Variants in TRHDE observed in about 807,000 individuals in gnomAD.
The protein encoded by TRHDE is thyrotropin-releasing hormone-degrading ectoenzyme.
Under a neutral mutation model 125.7 loss-of-function variants are expected in TRHDE, and 72 were observed. The observed-to-expected ratio is 0.57, with a 90% CI of 0.47 to 0.70. The LOEUF is 0.70. Ranked by LOEUF, TRHDE falls within the 30% of genes least tolerant of loss-of-function variation. The probability of loss-of-function intolerance (pLI) is 0.00; values close to 1 mark genes in which losing one functional copy is unlikely to be tolerated. For synonymous variants in TRHDE, 509 were observed against 509.1 expected (o/e 1.00, Z 0.00); for missense variants, 1,110 against 1,327.1 (o/e 0.84, Z 2.54).
At chr12:72,125,214 A>G (rs992402289) in intron 2 of TRHDE, among the ~76,000 whole-genome samples, 3 of 152,038 alleles carry the variant, frequency 2.0e-5, no homozygotes, top group African/African-American at 4.8e-5. Flanking sequence ...CTATTTTTCT[A>G]TTCTCTGGAA....
chr12:72,458,481 G>T (rs138845778), intron 3 of TRHDE, among the ~76,000 whole-genome samples: 1 of 152,000 alleles, frequency 6.6e-6, no homozygotes, highest in Non-Finnish European at 1.5e-5. Flanking sequence ...CTCCTCAGAC[G>T]TCTGTCTTAG....
In TRHDE at chr12:72,486,145, G is replaced by A. The variant is rs186083672; in HGVS notation, c.1584+12965G>A. On this transcript the variant is annotated intron_variant, in intron 5 of 18. Transcript: ENST00000261180. ...GTCAATACTGTGCCTGGACCCTTAG[G>A]ATCAAAACTACAGCCACACCCCAGT... Among the ~76,000 whole-genome samples, 154 of 152,216 alleles carry A rather than the reference G, an allele frequency of 1.0e-3. 1 individual carries two copies. Among genetic ancestry groups the A allele is most frequent in the Middle Eastern group, 3.4e-3 (1 of 294 alleles).
At chr12:72,509,299 A>C (rs1428766815) in intron 6 of TRHDE, among the ~76,000 whole-genome samples, 1 of 151,802 alleles carries the variant, frequency 6.6e-6, no homozygotes, top group African/African-American at 2.4e-5. Flanking sequence ...AAATGATAAT[A>C]AAAGACACAG....
At chr12:72,121,194 G>A (rs1403988731) in intron 2 of TRHDE, among the ~76,000 whole-genome samples, 3 of 151,792 alleles carry the variant, frequency 2.0e-5, no homozygotes, top group East Asian at 1.9e-4. Context: ...CTTTTTTCTC[G>A]TTAATGTCCT....
chr12:72,402,811 T>C (rs1751031941), intron 3 of TRHDE, among the ~76,000 whole-genome samples: 1 of 152,184 alleles, frequency 6.6e-6, no homozygotes, highest in Admixed American at 6.5e-5. Flanking sequence ...GTCCTTTATT[T>C]CCTAAGGTAA....
chr12:72,114,295 C>CA, intron 2 of TRHDE, among the ~76,000 whole-genome samples: 1 of 152,202 alleles, frequency 6.6e-6, no homozygotes, highest in Admixed American at 6.5e-5. Flanking sequence ...ATGTGTCCAC[C>CA]CCTGTGCAGC....
chr12:72,630,886 CAA>C (rs747171265), intron 15 of TRHDE, among the ~76,000 whole-genome samples: 12 of 116,764 alleles, frequency 1.0e-4, no homozygotes, highest in Non-Finnish European at 1.6e-4. Flanking sequence ...AAATTCATAG[CAA>C]AAAAAAAAAA....
At chr12:72,412,264 C>G (rs1873545228) in intron 3 of TRHDE, among the ~76,000 whole-genome samples, 2 of 151,854 alleles carry the variant, frequency 1.3e-5, no homozygotes, top group Non-Finnish European at 2.9e-5. Flanking sequence ...TAAAGACATA[C>G]AAATCAGTAA....
chr12:72,613,081 G>A (rs988410678), intron 12 of TRHDE, among the ~76,000 whole-genome samples: 3 of 152,036 alleles, frequency 2.0e-5, no homozygotes, highest in Admixed American at 6.6e-5. Context: ...AAATCATGTC[G>A]TTTACCCTTG....
chr12:72,370,942 C>A (rs1484666551), intron 2 of TRHDE, among the ~76,000 whole-genome samples: 1 of 151,996 alleles, frequency 6.6e-6, no homozygotes, highest in African/African-American at 2.4e-5. Flanking sequence ...GGGGTTTCGC[C>A]ATGTTGGCCA....
At chr12:72,147,943 A>G (rs963053171) in intron 2 of TRHDE, 7 of 152,272 alleles carry the variant, frequency 4.6e-5, no homozygotes, top group African/African-American at 1.7e-4. Context: ...AATGATTACT[A>G]CAAACTAGTT....
At position 72,314,261 on chromosome 12, in the gene TRHDE, T is replaced by C. The variant is rs536411622; in HGVS notation, c.1188+27307T>C. ...TCATTTCTTTTGTCCTTTTCTTTTT[T>C]TTTCCTCTCTCTTTCTCTTTTCTTT... On this transcript the variant is annotated intron_variant, in intron 2 of 18. Transcript: ENST00000261180. Among the ~76,000 whole-genome samples, 13 of 134,098 alleles carry C rather than the reference T, an allele frequency of 9.7e-5. No individual in the cohort carries two copies. The East Asian group carries it at 2.7e-3, about 28-fold the overall frequency. The allele number at this position is 134,098 out of a possible 152,430, so 88.0% of individuals were successfully genotyped here.
At chr12:72,413,819 C>A (rs542057543) in intron 3 of TRHDE, among the ~76,000 whole-genome samples, 32 of 152,146 alleles carry the variant, frequency 2.1e-4, no homozygotes, top group African/African-American at 7.0e-4. Context: ...TGCTGTAGTA[C>A]AAATTTGAGT....
intron 7 of TRHDE, among the ~76,000 whole-genome samples, chr12:72,551,821 T>C (rs1869689991): frequency 6.6e-6 from 1 of 152,058 alleles, no homozygotes. Context: ...TAGGATGCTG[T>C]GAGAAAGCAT....
rs1216450900 is a variant in TRHDE at position 72,555,318 on chromosome 12, T to A, written c.1789-6847T>A. ...AACTGACTTTCAACTATCCTTCTTCTATCTCTCCAATAGCTTTCTTTCCTA... is the reference window on the plus strand; with the variant it reads ...AACTGACTTTCAACTATCCTTCTTCAATCTCTCCAATAGCTTTCTTTCCTA... On this transcript the variant is annotated intron_variant, in intron 7 of 18. Transcript: ENST00000261180. Among the ~76,000 whole-genome samples the A allele has an allele frequency of 2.6e-5, 4 of 152,182 alleles. No homozygotes were observed. In the East Asian group the frequency reaches 7.7e-4, roughly 29 times the overall value.
intron 3 of TRHDE, among the ~76,000 whole-genome samples, chr12:72,391,912 C>G (rs115640600): frequency 0.011 from 1,737 of 152,228 alleles, 29 homozygotes; most frequent in African/African-American, 0.04. Flanking sequence ...CCTAATGTAA[C>G]TGTATTGAAA....
At chr12:72,190,123 A>G (rs1177637387) in intron 2 of TRHDE, among the ~76,000 whole-genome samples, 1 of 152,220 alleles carries the variant, frequency 6.6e-6, no homozygotes, top group African/African-American at 2.4e-5. Flanking sequence ...AGGCATTAAT[A>G]TCAAGTCTGT....
At chr12:72,170,717 A>G (rs534681275) in intron 2 of TRHDE, among the ~76,000 whole-genome samples, 30 of 152,102 alleles carry the variant, frequency 2.0e-4, no homozygotes, top group Non-Finnish European at 3.1e-4. Flanking sequence ...TGGTTTGGAG[A>G]CCACTTTAAG....
At chr12:72,498,258 T>C (rs542348848) in intron 5 of TRHDE, among the ~76,000 whole-genome samples, 1 of 152,342 alleles carries the variant, frequency 6.6e-6, no homozygotes, top group South Asian at 2.1e-4. Flanking sequence ...AAAAAAATCT[T>C]TCTTTAAAGC....
Sources: allele counts gnomAD v4.1 joint callset (sites outside exome capture counted in the v4.1 genomes callset), GRCh38; gene constraint gnomAD v4.1.1; transcripts MANE v1.5; gene names NCBI Gene and HGNC (gene_info 2026-07-23, HGNC 2026-07-21).